Variants in PDE10A observed in about 807,000 individuals in gnomAD.
PDE10A encodes phosphodiesterase 10A, also known as cAMP and cAMP-inhibited cGMP 3',5'-cyclic phosphodiesterase 10A.
Under a neutral mutation model 97.7 loss-of-function variants are expected in PDE10A, and 39 were observed. That is an observed-to-expected ratio of 0.40 (90% confidence interval 0.31 to 0.52). The LOEUF (loss-of-function observed/expected upper bound fraction) is 0.52. Among genes scored for constraint, PDE10A ranks in the 20% least tolerant of loss-of-function variants. PDE10A has a pLI of 0.56. For synonymous variants in PDE10A, 371 were observed against 376.8 expected (o/e 0.98, Z 0.18); for missense variants, 731 against 1,047.8 (o/e 0.70, Z 4.17).
chr6:165,806,650 C>CT (rs1229488059), intron 1 of PDE10A, among the ~76,000 whole-genome samples: 2 of 56,754 alleles, frequency 3.5e-5, no homozygotes, highest in South Asian at 7.8e-4. Flanking sequence ...CTGCTGAGCG[C>CT]CCCCCCCCAG....
At chr6:165,686,308 G>T (rs1217099921) in intron 1 of PDE10A, among the ~76,000 whole-genome samples, 1 of 152,130 alleles carries the variant, frequency 6.6e-6, no homozygotes. Flanking sequence ...GGAATTGTGG[G>T]TGCCCAGGAA....
chr6:165,441,395 GT>G (rs955204470), intron 5 of PDE10A, among the ~76,000 whole-genome samples: 10 of 152,110 alleles, frequency 6.6e-5, no homozygotes, highest in African/African-American at 2.4e-4. Context: ...ATTTAGCACA[GT>G]TTTTTGGTAC....
chr6:165,536,297 C>T (rs1195810324), intron 2 of PDE10A, among the ~76,000 whole-genome samples: 1 of 151,798 alleles, frequency 6.6e-6, no homozygotes, highest in East Asian at 1.9e-4. Flanking sequence ...TATCTCTCAC[C>T]TTATACATAA....
At chr6:165,735,867 T>G (rs1792563580) in intron 1 of PDE10A, among the ~76,000 whole-genome samples, 2 of 152,208 alleles carry the variant, frequency 1.3e-5, no homozygotes, top group South Asian at 4.1e-4. Context: ...TGTCACAGAT[T>G]CCTTATTTGT....
intron 1 of PDE10A, among the ~76,000 whole-genome samples, chr6:165,645,127 C>T (rs1346848497): frequency 2.0e-5 from 3 of 152,174 alleles, no homozygotes; most frequent in Non-Finnish European, 4.4e-5. Context: ...CTACTTCAGG[C>T]GCACATCTGA....
At chr6:165,792,973 G>A (rs981608484) in intron 1 of PDE10A, among the ~76,000 whole-genome samples, 5 of 152,144 alleles carry the variant, frequency 3.3e-5, no homozygotes, top group Non-Finnish European at 5.9e-5. Flanking sequence ...GGGGTGGGGG[G>A]TGGCTGTTCT....
At chr6:165,905,092 A>G (rs955668870) in intron 1 of PDE10A, among the ~76,000 whole-genome samples, 3 of 152,220 alleles carry the variant, frequency 2.0e-5, no homozygotes, top group Non-Finnish European at 4.4e-5. Context: ...TCCAGTCTCC[A>G]AACTACCACA....
intron 1 of PDE10A, among the ~76,000 whole-genome samples, chr6:165,656,256 T>TCACA (rs1188857085): frequency 6.0e-4 from 64 of 106,784 alleles, no homozygotes; most frequent in Admixed American, 1.7e-3. Context: ...TCTCTCTCTC[T>TCACA]CTCACACACA....
chr6:165,411,384 T>C (rs183468049), intron 13 of PDE10A, among the ~76,000 whole-genome samples: 273 of 152,262 alleles, frequency 1.8e-3, no homozygotes, highest in African/African-American at 6.3e-3. Flanking sequence ...CCTAATCTCA[T>C]ATGACTAGTG....
chr6:165,615,314 G>T (rs1315396018), intron 1 of PDE10A, among the ~76,000 whole-genome samples: 6 of 152,006 alleles, frequency 3.9e-5, no homozygotes, highest in Admixed American at 2.0e-4. Context: ...CATTTGATAA[G>T]TTTACTGAAT....
chr6:165,691,912 G>A (rs1791312039), intron 1 of PDE10A, among the ~76,000 whole-genome samples: 1 of 152,224 alleles, frequency 6.6e-6, no homozygotes, highest in Non-Finnish European at 1.5e-5. Flanking sequence ...CATCCTTGTG[G>A]AATTGATGAA....
rs899208850 is a variant in PDE10A, at chr6:165,710,407, C to G, written c.-614-166839G>C. Among the ~76,000 whole-genome samples the G allele has an allele frequency of 2.0e-5, 3 of 152,132 alleles. No individual in the cohort carries two copies. The South Asian group carries it at 6.2e-4, about 31-fold the overall frequency. ...GCCCTCCACTGGCCAAGTGCAAAGT[C>G]CTTTTAGTTTTTGTGAATATATAAA... On this transcript the variant is annotated intron_variant, in intron 1 of 19. Transcript: ENST00000366882.
At chr6:165,702,189 A>G (rs1791596885) in intron 1 of PDE10A, among the ~76,000 whole-genome samples, 1 of 152,258 alleles carries the variant, frequency 6.6e-6, no homozygotes, top group Admixed American at 6.5e-5. Flanking sequence ...CTGCCTCAAG[A>G]AGGACCAGCC....
intron 3 of PDE10A, among the ~76,000 whole-genome samples, chr6:165,472,982 T>C (rs1014117244): frequency 3.3e-5 from 5 of 152,146 alleles, no homozygotes; most frequent in Admixed American, 2.6e-4. Context: ...CCCTGGATCC[T>C]AGCATTGTTC....
chr6:165,978,467 A>G (rs2128503216), intron 1 of PDE10A, among the ~76,000 whole-genome samples: 1 of 152,352 alleles, frequency 6.6e-6, no homozygotes, highest in Admixed American at 6.5e-5. Context: ...CCACGACAGG[A>G]CCTGCTGACA....
At chr6:165,432,091 T>G (rs561705550) in intron 7 of PDE10A, among the ~76,000 whole-genome samples, 1 of 152,318 alleles carries the variant, frequency 6.6e-6, no homozygotes, top group African/African-American at 2.4e-5. Context: ...CCAGGCACTA[T>G]TCTAGGTGCT....
intron 1 of PDE10A, among the ~76,000 whole-genome samples, chr6:165,987,323 G>C (rs1200480288): frequency 6.6e-6 from 1 of 151,914 alleles, no homozygotes; most frequent in Non-Finnish European, 1.5e-5. Context: ...CTTCTTTCTC[G>C]AGTCCACTCA....
At chr6:165,585,324 G>C (rs1274314398) in intron 1 of PDE10A, among the ~76,000 whole-genome samples, 1 of 152,178 alleles carries the variant, frequency 6.6e-6, no homozygotes, top group Non-Finnish European at 1.5e-5. Context: ...GTTTTATGTG[G>C]GAACTTGACT....
chr6:165,583,999 G>T (rs1430674966), intron 1 of PDE10A, among the ~76,000 whole-genome samples: 3 of 152,174 alleles, frequency 2.0e-5, no homozygotes, highest in African/African-American at 7.2e-5. Context: ...CAGTCACTTT[G>T]GGCTCCTCAG....
Sources: gnomAD v4.1 joint callset for allele counts (sites outside exome capture counted in the v4.1 genomes callset) on GRCh38, gnomAD v4.1.1 for gene constraint, MANE v1.5 for transcripts, NCBI Gene and HGNC (gene_info 2026-07-23, HGNC 2026-07-21) for gene names.